Variants in TMEM236 observed in about 807,000 individuals in gnomAD.
TMEM236 encodes family with sequence similarity 23, member A.
In TMEM236, 11 loss-of-function variants were observed where a neutral mutation model predicts 14.7. That is an observed-to-expected ratio of 0.75 (90% CI 0.47 to 1.24). TMEM236 has a LOEUF of 1.24. Ranked by LOEUF, TMEM236 falls within the 50% of genes most tolerant of loss-of-function variation. The probability of loss-of-function intolerance (pLI) is 0.00; values close to 1 mark genes in which losing one functional copy is unlikely to be tolerated. For synonymous variants in TMEM236, 182 were observed against 168.6 expected, an observed-to-expected ratio of 1.08 and a Z score of -0.62; for missense variants, 464 against 427.3, an observed-to-expected ratio of 1.09 and a Z score of -0.76.
Position 17,796,317 on chromosome 10 carries a change from A to G in TMEM236, c.869A>G (p.Asn290Ser). 6.2e-7 allele frequency: 1 copy of G among 1,613,884 alleles called. No individual in the cohort carries two copies. The highest frequency in any genetic ancestry group is 8.5e-7 in the Non-Finnish European group (1 of 1,179,856). The change falls in exon 4 of 4, where the codon AAT (asparagine) becomes AGT (serine). Residue 290 changes from asparagine to serine, a missense_variant. Transcript: ENST00000377495. ...ITFTPQNPLL[N>S]SLSVLLQDLP... Reference sequence around the variant, plus strand: ...TTCACTCCCCAAAACCCTCTTCTCAATTCCCTGAGCGTCCTGCTGCAAGAT... The same window carrying G: ...TTCACTCCCCAAAACCCTCTTCTCAGTTCCCTGAGCGTCCTGCTGCAAGAT...
chr10:17,779,119 A>G (rs1231693144), intron 3 of TMEM236, among the ~76,000 whole-genome samples: 5 of 152,220 alleles, frequency 3.3e-5, no homozygotes, highest in Non-Finnish European at 7.3e-5. Context: ...TGTGGGTACA[A>G]ATGAGCGCAC....
chr10:17,795,861 A>T, intron 3 of TMEM236, 60 bp from the exon 4 acceptor site: 1 of 1,522,540 alleles, frequency 6.6e-7, no homozygotes, highest in South Asian at 1.1e-5. Context: ...TTTGAATAAC[A>T]TTTGAGCTAA....
At chr10:17,758,113 G>A (rs894754734) in intron 1 of TMEM236, among the ~76,000 whole-genome samples, 19 of 152,138 alleles carry the variant, frequency 1.2e-4, no homozygotes, top group African/African-American at 3.9e-4. Flanking sequence ...ATTTCACCCA[G>A]AGTGCATTTG....
At chr10:17,762,854 A>G (rs1554834106) in intron 1 of TMEM236, among the ~76,000 whole-genome samples, 1 of 151,336 alleles carries the variant, frequency 6.6e-6, no homozygotes, top group Admixed American at 6.6e-5. Context: ...AGGATTTGCT[A>G]GGTTGCCCGG....
At chr10:17,754,672 G>C (rs935722084) in intron 1 of TMEM236, among the ~76,000 whole-genome samples, 1 of 152,116 alleles carries the variant, frequency 6.6e-6, no homozygotes, top group Non-Finnish European at 1.5e-5. Flanking sequence ...GGTAAATTCT[G>C]TTACCCTTGT....
Position 17,800,255 on chromosome 10 carries a change from A to G in TMEM236, c.*3751A>G, listed in dbSNP as rs1838075486. 1 of 151,536 alleles carries G rather than the reference A, an allele frequency of 6.6e-6. No homozygotes were observed. Among genetic ancestry groups the G allele is most frequent in the African/African-American group, 2.4e-5 (1 of 41,344 alleles). 9.4% of individuals were successfully genotyped at this position (151,536 alleles called of 1,614,324 possible). On this transcript the variant is annotated 3_prime_UTR_variant, in exon 4 of 4. Transcript: ENST00000377495. ...TCAAAAAAAAAAAAAAGTCAAGTAC[A>G]GTTAGTTAAAGGAATGTGCATTTAA...
Position 17,752,226 on chromosome 10 carries a change from C to G in TMEM236, c.-70C>G. The G allele has an allele frequency of 6.2e-7, 1 of 1,613,410 alleles. No homozygotes were observed. Among genetic ancestry groups the G allele is most frequent in the Non-Finnish European group, 8.5e-7 (1 of 1,179,622 alleles). ...AAGGAACTTGATCCCAGTTCAGTGT[C>G]TGTGGGTCCATATGCTGCCCACAGT... is the stretch of plus-strand genomic sequence containing the variant. On this transcript the variant is annotated 5_prime_UTR_variant, in exon 1 of 4. Coordinates refer to ENST00000377495, the MANE Select transcript of TMEM236 (RefSeq NM_001098844.3).
At chr10:17,775,019 TC>T (rs1837636993) in intron 2 of TMEM236, among the ~76,000 whole-genome samples, 1 of 152,118 alleles carries the variant, frequency 6.6e-6, no homozygotes, top group South Asian at 2.1e-4. Context: ...CAGGCTGATC[TC>T]GAACTCCTGA....
intron 1 of TMEM236, among the ~76,000 whole-genome samples, chr10:17,761,353 T>C (rs34794144): frequency 0.12 from 18,905 of 151,988 alleles, 1,714 homozygotes; most frequent in East Asian, 0.41. Flanking sequence ...TTCTCCCCCC[T>C]GCATTCCCTC....
intron 3 of TMEM236, among the ~76,000 whole-genome samples, chr10:17,785,987 T>C (rs1331809219): frequency 2.0e-5 from 3 of 152,148 alleles, no homozygotes; most frequent in African/African-American, 7.2e-5. Context: ...CCAACAGACA[T>C]AGAATGTCAG....
At chr10:17,774,323 G>T (rs1027182829) in intron 2 of TMEM236, among the ~76,000 whole-genome samples, 6 of 152,204 alleles carry the variant, frequency 3.9e-5, no homozygotes, top group Admixed American at 2.0e-4. Context: ...GGGATTTCAG[G>T]TGTGAGTCAC....
chr10:17,800,100 T>C lies in TMEM236; in HGVS notation c.*3596T>C, dbSNP rs965056037. 17 of 151,996 alleles carry C rather than the reference T, an allele frequency of 1.1e-4. No homozygotes were observed. Among genetic ancestry groups the C allele is most frequent in the African/African-American group, 4.1e-4 (17 of 41,396 alleles). 9.4% of individuals were successfully genotyped at this position (151,996 alleles called of 1,614,324 possible). On this transcript the variant is annotated 3_prime_UTR_variant, in exon 4 of 4. Coordinates refer to ENST00000377495, the MANE Select transcript of TMEM236 (RefSeq NM_001098844.3). ...TTGAGGTTTTTGCCATTGAAAGTGG[T>C]GGTGCATGCCTGTAATCCCAGCTAC...
intron 2 of TMEM236, among the ~76,000 whole-genome samples, chr10:17,771,828 T>C (rs2131749603): frequency 6.6e-6 from 1 of 152,356 alleles, no homozygotes; most frequent in East Asian, 1.9e-4. Context: ...ATACTGAGTT[T>C]ATGTTTTGAC....
Position 17,796,798 on chromosome 10 carries a change from C to T in TMEM236, c.*294C>T. The T allele has an allele frequency of 1.5e-5, 6 of 399,692 alleles. No individual in the cohort carries two copies. Among genetic ancestry groups the T allele is most frequent in the South Asian group, 9.2e-5 (4 of 43,704 alleles). 24.8% of individuals were successfully genotyped at this position (399,692 alleles called of 1,614,324 possible). ...AGGTCCCCAACCCCTGGACCATGGT[C>T]CCAGTACTGGTCCGTGATCTGTTAG... On this transcript the variant is annotated 3_prime_UTR_variant, in exon 4 of 4. Transcript: ENST00000377495.
At chr10:17,758,271 T>A (rs1468972877) in intron 1 of TMEM236, among the ~76,000 whole-genome samples, 1 of 152,226 alleles carries the variant, frequency 6.6e-6, no homozygotes, top group African/African-American at 2.4e-5. Flanking sequence ...TATGTGAAAT[T>A]TCATAGACCC....
intron 3 of TMEM236, among the ~76,000 whole-genome samples, chr10:17,777,341 C>A (rs1254150017): frequency 6.6e-6 from 1 of 152,202 alleles, no homozygotes; most frequent in Non-Finnish European, 1.5e-5. Flanking sequence ...AAAGCACACC[C>A]AAGTCACATC....
chr10:17,787,945 G>C (rs1837865373), intron 3 of TMEM236, among the ~76,000 whole-genome samples: 1 of 152,050 alleles, frequency 6.6e-6, no homozygotes, highest in Non-Finnish European at 1.5e-5. Flanking sequence ...TACGGGTAGA[G>C]GCATTTCAGA....
At position 17,796,712 on chromosome 10, in the gene TMEM236, G is replaced by C; in HGVS notation, c.*208G>C. 1 of 584,588 alleles carries C rather than the reference G, an allele frequency of 1.7e-6. No homozygotes were observed. Among genetic ancestry groups the C allele is most frequent in the South Asian group, 2.1e-5 (1 of 48,152 alleles). 36.2% of individuals were successfully genotyped at this position (584,588 alleles called of 1,614,324 possible). ...TTTAAGTAAAGTAATATTCTTATAAGTTGGCTCTCAGGTATTTCTAGAAAA... is the reference window on the plus strand; with the variant it reads ...TTTAAGTAAAGTAATATTCTTATAACTTGGCTCTCAGGTATTTCTAGAAAA... On this transcript the variant is annotated 3_prime_UTR_variant, in exon 4 of 4. Transcript: ENST00000377495.
intron 3 of TMEM236, among the ~76,000 whole-genome samples, chr10:17,784,210 T>G (rs1210974841): frequency 6.6e-6 from 1 of 152,236 alleles, no homozygotes; most frequent in African/African-American, 2.4e-5. Flanking sequence ...CATTTAAATG[T>G]TTAATGAAGA....
Sources: gnomAD v4.1 joint callset for allele counts (sites outside exome capture counted in the v4.1 genomes callset) on GRCh38, gnomAD v4.1.1 for gene constraint, MANE v1.5 for transcripts, NCBI Gene and HGNC (gene_info 2026-07-23, HGNC 2026-07-21) for gene names.